SVOP: variants seen among roughly 807,000 people sequenced by gnomAD.
SVOP encodes the protein synaptic vesicle 2-related protein.
Under a neutral mutation model 69.1 loss-of-function variants are expected in SVOP, and 17 were observed. The ratio of observed to expected loss-of-function variants is 0.25; its 90% CI spans 0.17 to 0.37. SVOP has a LOEUF of 0.37. Ranked by LOEUF, SVOP falls within the 10% of genes least tolerant of loss-of-function variation. The pLI is 1.00. For synonymous variants in SVOP, 238 were observed against 238.6 expected (o/e 1.00, Z 0.02); for missense variants, 435 against 597.5 (o/e 0.73, Z 2.84).
At chr12:108,955,924 G>A (rs1029262335) in intron 6 of SVOP, among the ~76,000 whole-genome samples, 2 of 152,196 alleles carry the variant, frequency 1.3e-5, no homozygotes, top group African/African-American at 4.8e-5. Flanking sequence ...ACTTGCCTGA[G>A]GTCATACAGC....
At chr12:108,958,470 G>C (rs922206192) in intron 6 of SVOP, among the ~76,000 whole-genome samples, 2 of 152,192 alleles carry the variant, frequency 1.3e-5, no homozygotes, top group Non-Finnish European at 2.9e-5. Flanking sequence ...GTATAGCCTA[G>C]CTGTGTAGGA....
In SVOP at chr12:108,943,055, G is replaced by A. The variant is rs372710818; in HGVS notation, c.642+2048C>T. Among the ~76,000 whole-genome samples, 31 of 151,996 alleles carry A rather than the reference G, an allele frequency of 2.0e-4. No individual in the cohort carries two copies. In the South Asian group the frequency reaches 2.9e-3, roughly 14 times the overall value. On this transcript the variant is annotated intron_variant, in intron 7 of 15. Coordinates refer to ENST00000610966, the MANE Select transcript of SVOP (RefSeq NM_018711.5). Reference sequence around the variant, plus strand: ...ATTATAGGTGTGAGCCACTGTGCCCGGCCAATAGTCCCTTTATTAAACCAT... The same window carrying A: ...ATTATAGGTGTGAGCCACTGTGCCCAGCCAATAGTCCCTTTATTAAACCAT...
chr12:109,020,880 G>A lies in SVOP; in HGVS notation c.-12C>T. The A allele has an allele frequency of 2.8e-6, 2 of 717,196 alleles. No homozygotes were observed. Among genetic ancestry groups the A allele is most frequent in the Non-Finnish European group, 5.2e-6 (2 of 384,642 alleles). 44.4% of individuals were successfully genotyped at this position (717,196 alleles called of 1,614,324 possible). ...AAGTCCTCCTCCATGTCCGCGCTGC[G>A]CCAGGATGAGCCCTTCTCATGGCCC... is the stretch of plus-strand genomic sequence containing the variant. On this transcript the variant is annotated 5_prime_UTR_variant, in exon 1 of 16. Coordinates refer to ENST00000610966, the MANE Select transcript of SVOP (RefSeq NM_018711.5).
chr12:108,948,627 G>A (rs2039937554), intron 6 of SVOP, among the ~76,000 whole-genome samples: 1 of 152,232 alleles, frequency 6.6e-6, no homozygotes, highest in Non-Finnish European at 1.5e-5. Flanking sequence ...TCTTTAGGCT[G>A]AAGTCTTTGT....
rs535461948 is a variant in SVOP at position 108,909,161 on chromosome 12, A to G, written c.*3374T>C. 85 of 152,310 alleles carry G rather than the reference A, an allele frequency of 5.6e-4. 1 individual carries two copies. The highest frequency in any genetic ancestry group is 5.4e-3 in the Admixed American group (83 of 15,286). 9.4% of individuals were successfully genotyped at this position (152,310 alleles called of 1,614,324 possible). On this transcript the variant is annotated 3_prime_UTR_variant, in exon 16 of 16. Coordinates refer to ENST00000610966, the MANE Select transcript of SVOP (RefSeq NM_018711.5). ...GCAAAAAGAAGCTGGGTTCTTGATA[A>G]CATTGTTGAGCGTTGAACCTTCTCT...
intron 1 of SVOP, among the ~76,000 whole-genome samples, chr12:109,006,296 GC>G (rs1440120643): frequency 6.6e-6 from 1 of 152,140 alleles, no homozygotes; most frequent in Non-Finnish European, 1.5e-5. Context: ...CAGATGATCT[GC>G]CTACCTGGGC....
At chr12:108,934,756 T>A (rs1289669527) in intron 10 of SVOP, among the ~76,000 whole-genome samples, 1 of 152,214 alleles carries the variant, frequency 6.6e-6, no homozygotes, top group Non-Finnish European at 1.5e-5. Context: ...CTCCCACCAG[T>A]GCCGTTACAG....
chr12:108,982,350 T>A (rs1394293142), intron 2 of SVOP, among the ~76,000 whole-genome samples: 3 of 148,654 alleles, frequency 2.0e-5, no homozygotes, highest in Non-Finnish European at 4.5e-5. Flanking sequence ...TTCACCATCA[T>A]CATCATCACT....
At chr12:109,014,320 G>A (rs1439582321) in intron 1 of SVOP, among the ~76,000 whole-genome samples, 1 of 152,068 alleles carries the variant, frequency 6.6e-6, no homozygotes, top group Non-Finnish European at 1.5e-5. Context: ...CGGCCAAAAT[G>A]TCCTTCCTTT....
intron 15 of SVOP, among the ~76,000 whole-genome samples, 171 bp downstream of exon 15, chr12:108,915,612 C>A (rs747535389): frequency 2.0e-5 from 3 of 152,200 alleles, no homozygotes; most frequent in African/African-American, 7.2e-5. Flanking sequence ...AGCCCCTGAG[C>A]CTCTGTTTTC....
chr12:108,977,303 C>A, intron 4 of SVOP, 95 bp downstream of exon 4: 1 of 1,421,494 alleles, frequency 7.0e-7, no homozygotes, highest in Non-Finnish European at 9.4e-7. Flanking sequence ...TTCTTTTCTG[C>A]TGAGCCTTCG....
intron 1 of SVOP, among the ~76,000 whole-genome samples, chr12:109,019,385 T>C (rs1256789155): frequency 6.6e-6 from 1 of 152,192 alleles, no homozygotes; most frequent in African/African-American, 2.4e-5. Context: ...CATATACACA[T>C]GAATCTTTGA....
intron 1 of SVOP, among the ~76,000 whole-genome samples, chr12:109,010,192 A>C (rs7967620): frequency 0.9 from 137,147 of 151,626 alleles, 63,011 homozygotes; most frequent in Non-Finnish European, 1. Context: ...AGAATAACTG[A>C]CATGATCCAG....
At chr12:108,972,516 G>A (rs1211770348) in intron 4 of SVOP, 40 bp from the exon 5 acceptor site, 17 of 1,526,900 alleles carry the variant, frequency 1.1e-5, no homozygotes, top group Non-Finnish European at 1.4e-5. Context: ...CAGAGGATGT[G>A]GATCATTGCA....
intron 1 of SVOP, among the ~76,000 whole-genome samples, chr12:108,991,260 T>C (rs547052084): frequency 6.6e-6 from 1 of 152,214 alleles, no homozygotes; most frequent in African/African-American, 2.4e-5. Flanking sequence ...ACCCAGGACA[T>C]CTCTTAAGCA....
chr12:108,924,857 C>T (rs991429076), intron 11 of SVOP, among the ~76,000 whole-genome samples: 1 of 152,108 alleles, frequency 6.6e-6, no homozygotes, highest in African/African-American at 2.4e-5. Context: ...ATGCTGACCA[C>T]CATTGAGTAG....
intron 5 of SVOP, among the ~76,000 whole-genome samples, chr12:108,969,178 T>A (rs539936209): frequency 2.6e-5 from 4 of 152,248 alleles, no homozygotes; most frequent in African/African-American, 9.6e-5. Flanking sequence ...CTCAGCTCCA[T>A]CAAAACAAAA....
At chr12:108,984,228 G>A (rs2137438978) in intron 1 of SVOP, among the ~76,000 whole-genome samples, 1 of 152,284 alleles carries the variant, frequency 6.6e-6, no homozygotes, top group Non-Finnish European at 1.5e-5. Context: ...ATGTTGCCCA[G>A]TCTGGTCTCA....
intron 1 of SVOP, among the ~76,000 whole-genome samples, chr12:108,988,772 T>C (rs1485813029): frequency 4.9e-5 from 2 of 40,932 alleles, no homozygotes; most frequent in African/African-American, 1.1e-4. Flanking sequence ...TTTTCTCTCT[T>C]TTTTTTTTTT....
Sources: gnomAD v4.1 joint callset for allele counts (sites outside exome capture counted in the v4.1 genomes callset) on GRCh38, gnomAD v4.1.1 for gene constraint, MANE v1.5 for transcripts, NCBI Gene and HGNC (gene_info 2026-07-23, HGNC 2026-07-21) for gene names.